PLXNA4: variants seen among roughly 807,000 people sequenced by gnomAD.
PLXNA4 encodes the protein plexin A4, also known as plexin-A4.
A neutral mutation model predicts 191.8 loss-of-function variants in PLXNA4; 44 were observed. The ratio of observed to expected loss-of-function variants is 0.23; its 90% confidence interval spans 0.18 to 0.29. The LOEUF (loss-of-function observed/expected upper bound fraction) is 0.29. PLXNA4 is among the 10% of genes least tolerant of loss of function. The pLI, the probability that PLXNA4 is intolerant of heterozygous loss-of-function variation, is 1.00. For synonymous variants in PLXNA4, 1,082 were observed against 1,009.5 expected (o/e 1.07, Z -1.36); for missense variants, 1,800 against 2,488.8 (o/e 0.72, Z 5.89).
At chr7:132,157,665 C>T (rs1795836325) in intron 25 of PLXNA4, among the ~76,000 whole-genome samples, 1 of 152,218 alleles carries the variant, frequency 6.6e-6, no homozygotes. Flanking sequence ...TCTGTCTGGA[C>T]TCTCCTCCCA....
At chr7:132,181,716 G>T in intron 17 of PLXNA4, 96 bp from the exon 18 acceptor site, 1 of 1,515,420 alleles carries the variant, frequency 6.6e-7, no homozygotes. Flanking sequence ...CATCGGGATA[G>T]CAAGGGGTTG....
At chr7:132,384,606 C>T (rs1460259277) in intron 3 of PLXNA4, 1 of 990,496 alleles carries the variant, frequency 1.0e-6, no homozygotes, top group Non-Finnish European at 1.2e-6. Context: ...GCTCATCAGG[C>T]ACTGTTGGCT....
chr7:132,220,619 T>A (rs532411282), intron 9 of PLXNA4, among the ~76,000 whole-genome samples: 7 of 151,984 alleles, frequency 4.6e-5, no homozygotes, highest in African/African-American at 1.7e-4. Context: ...GGCCATTTCC[T>A]CCAGACTAAT....
intron 10 of PLXNA4, among the ~76,000 whole-genome samples, chr7:132,206,801 C>T (rs988328449): frequency 5.3e-5 from 8 of 152,092 alleles, no homozygotes; most frequent in African/African-American, 1.4e-4. Context: ...CCCCCAGGAT[C>T]GCCCTATCTC....
intron 2 of PLXNA4, among the ~76,000 whole-genome samples, chr7:132,635,656 A>C (rs1411562646): frequency 6.6e-6 from 1 of 152,082 alleles, no homozygotes; most frequent in African/African-American, 2.4e-5. Flanking sequence ...ACTGCCCTGC[A>C]CCTTGCCCCA....
At chr7:132,624,967 A>C (rs1403835903) in intron 2 of PLXNA4, among the ~76,000 whole-genome samples, 1 of 152,202 alleles carries the variant, frequency 6.6e-6, no homozygotes, top group Admixed American at 6.5e-5. Context: ...CCTTGTATAA[A>C]GTAGATAAAA....
chr7:132,396,009 A>T, intron 3 of PLXNA4, among the ~76,000 whole-genome samples: 1 of 152,220 alleles, frequency 6.6e-6, no homozygotes. Context: ...TTTAAGCCTC[A>T]CTGGAGATAG....
At chr7:132,426,928 G>A (rs954646050) in intron 3 of PLXNA4, among the ~76,000 whole-genome samples, 12 of 152,162 alleles carry the variant, frequency 7.9e-5, no homozygotes, top group Non-Finnish European at 1.0e-4. Flanking sequence ...TAGGGCAGTA[G>A]CCCCTAGAGT....
intron 4 of PLXNA4, among the ~76,000 whole-genome samples, chr7:132,284,247 CT>C: frequency 6.6e-6 from 1 of 152,128 alleles, no homozygotes. Flanking sequence ...CTAAAGAAAG[CT>C]TTTGTTTTAA....
chr7:132,601,261 T>C (rs1213099808), intron 2 of PLXNA4, among the ~76,000 whole-genome samples: 4 of 137,222 alleles, frequency 2.9e-5, no homozygotes, highest in Non-Finnish European at 6.2e-5. Flanking sequence ...AGAGGTCATA[T>C]AATTGAGCCT....
At chr7:132,357,265 G>T (rs796351061) in intron 3 of PLXNA4, among the ~76,000 whole-genome samples, 2 of 152,316 alleles carry the variant, frequency 1.3e-5, no homozygotes, top group African/African-American at 4.8e-5. Context: ...GAGCCAGCCT[G>T]CTCAGCTGAG....
intron 2 of PLXNA4, among the ~76,000 whole-genome samples, chr7:132,505,019 T>C (rs912291692): frequency 5.0e-4 from 76 of 152,338 alleles, no homozygotes; most frequent in African/African-American, 1.7e-3. Context: ...AAACTGATAC[T>C]GTGCATTAAA....
intron 2 of PLXNA4, among the ~76,000 whole-genome samples, chr7:132,585,007 C>T (rs898761882): frequency 1.3e-5 from 2 of 152,092 alleles, no homozygotes; most frequent in East Asian, 1.9e-4. Context: ...CTTTTGTGGG[C>T]TGCCGTGAAG....
chr7:132,339,816 G>T (rs771583657), intron 3 of PLXNA4, among the ~76,000 whole-genome samples: 2 of 152,024 alleles, frequency 1.3e-5, no homozygotes, highest in African/African-American at 2.4e-5. Flanking sequence ...GACTTATTAT[G>T]ATTAGATTAT....
intron 2 of PLXNA4, among the ~76,000 whole-genome samples, chr7:132,613,710 G>A (rs1241984926): frequency 1.3e-5 from 2 of 152,120 alleles, no homozygotes; most frequent in Non-Finnish European, 1.5e-5. Flanking sequence ...TCAGTTATAC[G>A]CATTTGTTGG....
chr7:132,234,183 T>C (rs1379552069), intron 5 of PLXNA4, among the ~76,000 whole-genome samples: 3 of 152,200 alleles, frequency 2.0e-5, no homozygotes, highest in Non-Finnish European at 4.4e-5. Context: ...ATCCAGTCGG[T>C]AACAAGGAGA....
intron 3 of PLXNA4, among the ~76,000 whole-genome samples, chr7:132,445,814 G>A (rs1795888058): frequency 6.6e-6 from 1 of 152,194 alleles, no homozygotes. Context: ...CTTCTCTCTG[G>A]GGGCTCTGCT....
chr7:132,638,454 C>G (rs1026079666), intron 2 of PLXNA4, among the ~76,000 whole-genome samples: 2 of 152,136 alleles, frequency 1.3e-5, no homozygotes, highest in African/African-American at 2.4e-5. Context: ...GAGTTCGAGA[C>G]CAGCCTGGCC....
Position 132,135,441 on chromosome 7 carries a change from T to C in PLXNA4, c.5439-2242A>G, listed in dbSNP as rs536092494. Reference sequence around the variant, plus strand: ...TGTGGAACCTTTCACAGTAGGCAGGTGGCTCTGTCAGGCTTTTTGCAAACA... The same window carrying C: ...TGTGGAACCTTTCACAGTAGGCAGGCGGCTCTGTCAGGCTTTTTGCAAACA... On this transcript the variant is annotated intron_variant, in intron 30 of 31. Transcript: ENST00000321063. Among the ~76,000 whole-genome samples, 149 of 152,338 alleles carry C rather than the reference T, an allele frequency of 9.8e-4. 3 individuals carry two copies. The highest frequency in any genetic ancestry group is 3.2e-3 in the African/African-American group (134 of 41,582).
Sources: allele counts gnomAD v4.1 joint callset (sites outside exome capture counted in the v4.1 genomes callset), GRCh38; gene constraint gnomAD v4.1.1; transcripts MANE v1.5; gene names NCBI Gene and HGNC (gene_info 2026-07-23, HGNC 2026-07-21).